TMEM117: variants seen among roughly 807,000 people sequenced by gnomAD.
The protein encoded by TMEM117 is transmembrane protein 117.
A neutral mutation model predicts 52.4 loss-of-function variants in TMEM117; 27 were observed. The observed-to-expected ratio is 0.51, with a 90% CI of 0.38 to 0.71. The LOEUF (loss-of-function observed/expected upper bound fraction) is 0.71. TMEM117 is among the 30% of genes least tolerant of loss of function. The probability of loss-of-function intolerance (pLI) is 0.00; values close to 1 mark genes in which losing one functional copy is unlikely to be tolerated. For synonymous variants in TMEM117, 215 were observed against 206.3 expected (o/e 1.04, Z -0.36); for missense variants, 556 against 630.5 (o/e 0.88, Z 1.26).
chr12:44,302,029 T>G lies in TMEM117; in HGVS notation c.768+2290T>G, dbSNP rs146521636. On this transcript the variant is annotated intron_variant, in intron 6 of 7. Coordinates refer to ENST00000266534, the MANE Select transcript of TMEM117 (RefSeq NM_032256.3). ...CTTTTCTGTCTCCCCTAACACTAAG[T>G]CAGCTAGCCAGGCCTACTGATTTAT... Among the ~76,000 whole-genome samples the G allele has an allele frequency of 6.8e-3, 1,039 of 152,306 alleles. 9 individuals are homozygous for G. The highest frequency in any genetic ancestry group is 0.024 in the African/African-American group (991 of 41,554).
At chr12:44,004,937 A>T (rs1946170635) in intron 3 of TMEM117, among the ~76,000 whole-genome samples, 1 of 152,218 alleles carries the variant, frequency 6.6e-6, no homozygotes. Context: ...CCTAAATACC[A>T]GCTAGAAATG....
chr12:44,329,085 T>G (rs1798029), intron 6 of TMEM117, among the ~76,000 whole-genome samples: 3,378 of 152,026 alleles, frequency 0.022, 139 homozygotes, highest in African/African-American at 0.077. Context: ...TATTGCAGAT[T>G]CCTATAAAAC....
intron 3 of TMEM117, among the ~76,000 whole-genome samples, chr12:44,017,326 C>CTTTTTTTTTT (rs79007657): frequency 1.0e-5 from 1 of 97,128 alleles, no homozygotes; most frequent in African/African-American, 4.2e-5. Flanking sequence ...TCTTTCTTTC[C>CTTTTTTTTTT]TTTTTTTTTT....
chr12:44,213,825 T>G (rs1312462787), intron 5 of TMEM117, among the ~76,000 whole-genome samples: 1 of 152,234 alleles, frequency 6.6e-6, no homozygotes, highest in African/African-American at 2.4e-5. Context: ...TGCGGAATGG[T>G]GGGTCATTTA....
At chr12:44,043,245 C>T (rs970653106) in intron 3 of TMEM117, among the ~76,000 whole-genome samples, 6 of 152,086 alleles carry the variant, frequency 3.9e-5, no homozygotes, top group African/African-American at 1.4e-4. Context: ...TAAGATTGCC[C>T]CCAGTGAGTT....
intron 2 of TMEM117, among the ~76,000 whole-genome samples, chr12:43,941,710 T>C (rs1458308626): frequency 6.6e-6 from 1 of 152,246 alleles, no homozygotes; most frequent in Non-Finnish European, 1.5e-5. Context: ...GACTTAATAT[T>C]TTGCAGCACT....
chr12:44,129,084 C>T (rs1254870070), intron 3 of TMEM117, among the ~76,000 whole-genome samples: 2 of 152,176 alleles, frequency 1.3e-5, no homozygotes, highest in Non-Finnish European at 2.9e-5. Flanking sequence ...TTGAAGCTTG[C>T]TCCTGCATAG....
intron 5 of TMEM117, among the ~76,000 whole-genome samples, chr12:44,290,501 G>C (rs1304218746): frequency 6.6e-6 from 1 of 152,138 alleles, no homozygotes; most frequent in East Asian, 1.9e-4. Context: ...TTAGTTGACT[G>C]TCTATGTATG....
At chr12:43,910,503 G>C (rs1255838804) in intron 2 of TMEM117, among the ~76,000 whole-genome samples, 1 of 143,942 alleles carries the variant, frequency 6.9e-6, no homozygotes, top group Non-Finnish European at 1.5e-5. Flanking sequence ...AGGGCAATTA[G>C]GCAGGAGAAG....
At chr12:44,221,339 G>T (rs1349303258) in intron 5 of TMEM117, among the ~76,000 whole-genome samples, 1 of 152,186 alleles carries the variant, frequency 6.6e-6, no homozygotes, top group Admixed American at 6.5e-5. Flanking sequence ...TATAGCAGAA[G>T]ATTTTGTTGT....
rs1952140576 is a variant in TMEM117, at chr12:44,389,363, TTAAAGA to T, written c.*696_*701del. 6.6e-6 allele frequency: 1 copy of T among 152,582 alleles called. No individual in the cohort carries two copies. The highest frequency in any genetic ancestry group is 2.4e-5 in the African/African-American group (1 of 41,436). The allele number at this position is 152,582 out of a possible 1,614,324, so 9.5% of individuals were successfully genotyped here. A position where few individuals can be genotyped will look rare whatever the true frequency, so the allele number is the denominator to read the frequency against. The stretch of plus-strand genomic sequence containing the variant: ...ATGATACCTAATTATGTTTTCCTAA[TTAAAGA>T]TAAATTGCTACTTGATTAAAAATCC... On this transcript the variant is annotated 3_prime_UTR_variant, in exon 8 of 8. Transcript: ENST00000266534.
At chr12:43,813,231 G>GTT in the TMEM117 span, among the ~76,000 whole-genome samples, 583 of 62,680 alleles carry the variant, frequency 9.3e-3, 128 homozygotes, top group African/African-American at 0.029. Context: ...GTTTTCTCTT[G>GTT]TTTTTTTTTT....
chr12:43,904,663 G>A (rs1032971956), intron 2 of TMEM117, among the ~76,000 whole-genome samples: 1 of 152,020 alleles, frequency 6.6e-6, no homozygotes, highest in Non-Finnish European at 1.5e-5. Context: ...TCACTCCCGG[G>A]TTGGTGCCTG....
chr12:43,914,415 T>C (rs1206816788), intron 2 of TMEM117, among the ~76,000 whole-genome samples: 1 of 152,158 alleles, frequency 6.6e-6, no homozygotes, highest in Non-Finnish European at 1.5e-5. Context: ...CTGCACTAAG[T>C]CTGATCTGGC....
chr12:44,054,502 T>A (rs1318472844), intron 3 of TMEM117, among the ~76,000 whole-genome samples: 3 of 152,228 alleles, frequency 2.0e-5, no homozygotes, highest in African/African-American at 7.2e-5. Context: ...ACGGAGAGGT[T>A]ATCTTAAAAC....
the TMEM117 span, among the ~76,000 whole-genome samples, chr12:43,826,357 G>C: frequency 6.6e-6 from 1 of 152,162 alleles, no homozygotes. Context: ...TGAATTCTCT[G>C]TCCAAGTTTT....
intron 2 of TMEM117, among the ~76,000 whole-genome samples, chr12:43,910,048 G>T (rs1258949455): frequency 3.3e-4 from 41 of 123,434 alleles, no homozygotes; most frequent in South Asian, 1.3e-3. Flanking sequence ...CCAAAAAAGA[G>T]AATTTTAGAC....
intron 5 of TMEM117, among the ~76,000 whole-genome samples, chr12:44,282,261 C>T (rs1421503427): frequency 6.6e-6 from 1 of 151,974 alleles, no homozygotes; most frequent in Non-Finnish European, 1.5e-5. Context: ...TAAATTGGTA[C>T]CATTAGAGTG....
At chr12:44,058,226 C>T (rs947863473) in intron 3 of TMEM117, among the ~76,000 whole-genome samples, 11 of 151,834 alleles carry the variant, frequency 7.2e-5, no homozygotes, top group Non-Finnish European at 1.2e-4. Flanking sequence ...ATAATATATT[C>T]GCTAAGAATC....
Sources: gnomAD v4.1 joint callset for allele counts (sites outside exome capture counted in the v4.1 genomes callset) on GRCh38, gnomAD v4.1.1 for gene constraint, MANE v1.5 for transcripts, NCBI Gene and HGNC (gene_info 2026-07-23, HGNC 2026-07-21) for gene names.